The following FHIT variants were observed in gnomAD, a reference collection of about 807,000 sequenced individuals.
FHIT encodes fragile histidine triad diadenosine triphosphatase.
A neutral mutation model predicts 17.9 loss-of-function variants in FHIT; 19 were observed. The ratio of observed to expected loss-of-function variants is 1.06; its 90% CI spans 0.74 to 1.56. The LOEUF (loss-of-function observed/expected upper bound fraction) is 1.56, where lower values mean the gene tolerates loss of function less well. Among genes scored for constraint, FHIT ranks in the 40% most tolerant of loss-of-function variants. The pLI is 0.00. For synonymous variants in FHIT, 81 were observed against 69.7 expected, an observed-to-expected ratio of 1.16 and a Z score of -0.81; for missense variants, 248 against 189.2, an observed-to-expected ratio of 1.31 and a Z score of -1.82.
At chr3:61,043,396 C>T (rs1241740728) in intron 2 of FHIT, among the ~76,000 whole-genome samples, 5 of 152,146 alleles carry the variant, frequency 3.3e-5, no homozygotes, top group East Asian at 1.9e-4. Flanking sequence ...AGTCTGAGAT[C>T]GAACTGCAAA....
chr3:60,479,785 C>T (rs2033522504), intron 5 of FHIT, among the ~76,000 whole-genome samples: 1 of 152,120 alleles, frequency 6.6e-6, no homozygotes, highest in African/African-American at 2.4e-5. Context: ...GTTGCATGCT[C>T]CTTATGAGAA....
chr3:60,989,110 T>C (rs1361349533), intron 3 of FHIT, among the ~76,000 whole-genome samples: 2 of 152,118 alleles, frequency 1.3e-5, no homozygotes, highest in African/African-American at 4.8e-5. Flanking sequence ...GCTAAGTTCA[T>C]GGACAGCATA....
chr3:60,955,618 A>ATACATATATATATATACG (rs1709104600), intron 3 of FHIT, among the ~76,000 whole-genome samples: 3 of 14,574 alleles, frequency 2.1e-4, no homozygotes, highest in Non-Finnish European at 6.4e-4. Context: ...ATATATATAT[A>ATACATATATATATATACG]TATATATATA....
chr3:61,137,053 G>C (rs1176540587), intron 2 of FHIT, among the ~76,000 whole-genome samples: 1 of 152,112 alleles, frequency 6.6e-6, no homozygotes, highest in African/African-American at 2.4e-5. Context: ...AGAATCTAGA[G>C]ATGCTTCCAT....
chr3:59,958,205 A>G (rs1307564106), intron 7 of FHIT, among the ~76,000 whole-genome samples: 1 of 152,168 alleles, frequency 6.6e-6, no homozygotes, highest in African/African-American at 2.4e-5. Context: ...ATTGGCACAT[A>G]TCTTGATAGT....
intron 5 of FHIT, among the ~76,000 whole-genome samples, chr3:60,417,730 A>C (rs1349203236): frequency 6.6e-6 from 1 of 152,156 alleles, no homozygotes; most frequent in Non-Finnish European, 1.5e-5. Context: ...ACCAGATCAG[A>C]GAAGAAAGTG....
intron 4 of FHIT, among the ~76,000 whole-genome samples, chr3:60,640,992 C>T (rs1000473034): frequency 2.6e-5 from 4 of 152,018 alleles, no homozygotes; most frequent in African/African-American, 9.7e-5. Flanking sequence ...CCAGCCTGAC[C>T]AACATGGTGA....
intron 3 of FHIT, among the ~76,000 whole-genome samples, chr3:60,988,296 G>T (rs998487321): frequency 2.6e-5 from 4 of 152,112 alleles, no homozygotes; most frequent in Non-Finnish European, 5.9e-5. Context: ...TTCTTATAAA[G>T]AATAAGTTTT....
chr3:59,800,143 T>G (rs949566274), intron 8 of FHIT, among the ~76,000 whole-genome samples: 1 of 152,144 alleles, frequency 6.6e-6, no homozygotes, highest in Non-Finnish European at 1.5e-5. Flanking sequence ...CGGTATTATT[T>G]AAATTAAATT....
At chr3:60,843,442 A>G (rs1702808273) in intron 3 of FHIT, among the ~76,000 whole-genome samples, 1 of 152,222 alleles carries the variant, frequency 6.6e-6, no homozygotes, top group South Asian at 2.1e-4. Flanking sequence ...TGCCACCTAG[A>G]GACAAAATTA....
At chr3:60,994,756 T>C (rs1348063982) in intron 3 of FHIT, among the ~76,000 whole-genome samples, 1 of 152,008 alleles carries the variant, frequency 6.6e-6, no homozygotes, top group African/African-American at 2.4e-5. Flanking sequence ...GATGCAAGTG[T>C]CCTAGCAAGC....
At chr3:61,045,761 T>C (rs1402438343) in intron 2 of FHIT, among the ~76,000 whole-genome samples, 2 of 152,076 alleles carry the variant, frequency 1.3e-5, no homozygotes, top group African/African-American at 2.4e-5. Context: ...TCAGCAAATG[T>C]AAAAGAACAG....
At chr3:59,887,101 G>A (rs774976339) in intron 8 of FHIT, among the ~76,000 whole-genome samples, 7 of 152,144 alleles carry the variant, frequency 4.6e-5, no homozygotes, top group Non-Finnish European at 5.9e-5. Context: ...AACATGGAAA[G>A]AAAAGCAATT....
intron 4 of FHIT, among the ~76,000 whole-genome samples, chr3:60,820,698 A>G (rs1701893592): frequency 6.6e-6 from 1 of 152,238 alleles, no homozygotes. Flanking sequence ...TAAAGTGGAT[A>G]CAGGAAACTG....
chr3:60,812,741 C>A (rs1553736505), intron 4 of FHIT, among the ~76,000 whole-genome samples: 1 of 152,024 alleles, frequency 6.6e-6, no homozygotes, highest in African/African-American at 2.4e-5. Flanking sequence ...CATATGCATA[C>A]CCTAACAAAA....
intron 5 of FHIT, among the ~76,000 whole-genome samples, chr3:60,533,617 A>G (rs182605665): frequency 1.4e-3 from 210 of 152,270 alleles, no homozygotes; most frequent in Non-Finnish European, 2.2e-3. Flanking sequence ...TTTCTTCCCT[A>G]GGAGCAGGGG....
chr3:60,004,510 A>G (rs1326944857), intron 7 of FHIT, among the ~76,000 whole-genome samples: 1 of 152,164 alleles, frequency 6.6e-6, no homozygotes, highest in Admixed American at 6.5e-5. Context: ...TGTCCTCTGG[A>G]TATTTTTAGA....
chr3:60,494,945 C>T (rs1416094586), intron 5 of FHIT, among the ~76,000 whole-genome samples: 1 of 152,160 alleles, frequency 6.6e-6, no homozygotes, highest in Non-Finnish European at 1.5e-5. Flanking sequence ...CACGGGAGCG[C>T]AGATCGCTCT....
At chr3:61,179,717 A>G (rs1474599617) in intron 2 of FHIT, among the ~76,000 whole-genome samples, 7 of 149,836 alleles carry the variant, frequency 4.7e-5, no homozygotes, top group Admixed American at 1.3e-4. Flanking sequence ...CAAAAAAAAA[A>G]AAAAAAAAAA....
Sources: gnomAD v4.1 joint callset for allele counts (sites outside exome capture counted in the v4.1 genomes callset) on GRCh38, gnomAD v4.1.1 for gene constraint, MANE v1.5 for transcripts, NCBI Gene and HGNC (gene_info 2026-07-23, HGNC 2026-07-21) for gene names.